The following PARD3 variants were observed in gnomAD, a reference collection of about 807,000 sequenced individuals.
PARD3 encodes the protein partitioning defective 3 homolog.
In PARD3, 75 loss-of-function variants were observed where a neutral mutation model predicts 155.4. That is an observed-to-expected ratio of 0.48 (90% CI 0.40 to 0.58). The LOEUF (loss-of-function observed/expected upper bound fraction) is 0.58. Ranked by LOEUF, PARD3 falls within the 20% of genes least tolerant of loss-of-function variation. The pLI is 0.00. For missense variants in PARD3, 1,642 were observed against 1,721.7 expected (o/e 0.95, Z 0.82); for synonymous variants, 576 against 610.5 (o/e 0.94, Z 0.83).
intron 12 of PARD3, among the ~76,000 whole-genome samples, chr10:34,372,013 A>G (rs1461982493): frequency 2.6e-5 from 4 of 152,108 alleles, no homozygotes; most frequent in Non-Finnish European, 5.9e-5. Context: ...ACTTTTGTTA[A>G]ATTATCTCTT....
In PARD3 at chr10:34,265,468, C is replaced by G. The variant is rs1468267788; in HGVS notation, c.3419+4189G>C. 2.0e-5 allele frequency among the ~76,000 whole-genome samples: 3 copies of G among 152,050 alleles called. No homozygotes were observed. In the East Asian group the frequency reaches 5.8e-4, roughly 29 times the overall value. ...GCTTCCTTACTGAACAATGAAAATC[C>G]CAGAACAGATGCAGGCTACACATCA... On this transcript the variant is annotated intron_variant, in intron 22 of 24. Transcript: ENST00000374788.
chr10:34,801,788 T>G (rs571899547), intron 1 of PARD3, among the ~76,000 whole-genome samples: 1 of 152,332 alleles, frequency 6.6e-6, no homozygotes, highest in East Asian at 1.9e-4. Flanking sequence ...AGAAGTGTTA[T>G]GGGCACATGA....
At chr10:34,311,853 C>T (rs936376689) in intron 20 of PARD3, among the ~76,000 whole-genome samples, 1 of 152,148 alleles carries the variant, frequency 6.6e-6, no homozygotes, top group African/African-American at 2.4e-5. Flanking sequence ...TGAATCTATC[C>T]GTTGCATCTC....
At chr10:34,658,371 CA>C (rs564045388) in intron 2 of PARD3, among the ~76,000 whole-genome samples, 77 of 152,006 alleles carry the variant, frequency 5.1e-4, no homozygotes, top group Middle Eastern at 3.4e-3. Flanking sequence ...AAACAAATCA[CA>C]AAACAAATCC....
intron 1 of PARD3, among the ~76,000 whole-genome samples, chr10:34,703,475 C>T (rs147431573): frequency 2.0e-5 from 3 of 147,212 alleles, no homozygotes; most frequent in African/African-American, 5.0e-5. Flanking sequence ...AAAAAAAAGA[C>T]AAAGAAGATA....
At chr10:34,689,819 T>C (rs554590047) in intron 2 of PARD3, among the ~76,000 whole-genome samples, 25 of 152,318 alleles carry the variant, frequency 1.6e-4, no homozygotes, top group African/African-American at 5.5e-4. Context: ...TTGTGTATAA[T>C]CTAACAGTTA....
chr10:34,798,038 G>C (rs1842468332), intron 1 of PARD3, among the ~76,000 whole-genome samples: 1 of 152,086 alleles, frequency 6.6e-6, no homozygotes, highest in Non-Finnish European at 1.5e-5. Context: ...AAAATATACA[G>C]ACTGGATATG....
At chr10:34,218,362 A>G (rs1435242038) in intron 22 of PARD3, among the ~76,000 whole-genome samples, 1 of 152,192 alleles carries the variant, frequency 6.6e-6, no homozygotes, top group East Asian at 1.9e-4. Context: ...TCTCATAATC[A>G]ACTTCTGTTA....
Position 34,699,599 on chromosome 10 carries a change from A to C in PARD3, c.121-3180T>G, listed in dbSNP as rs185210132. On this transcript the variant is annotated intron_variant, in intron 1 of 24. Coordinates refer to ENST00000374788, the MANE Select transcript of PARD3 (RefSeq NM_001184785.2). The stretch of plus-strand genomic sequence containing the variant: ...TCCACTTTGTAGTAGTTTGCATTAA[A>C]AAGTTTAAAATAATAACAGTAGGAA... Among the ~76,000 whole-genome samples, 490 of 152,346 alleles carry C rather than the reference A, an allele frequency of 3.2e-3. 1 individual carries two copies. Among genetic ancestry groups the C allele is most frequent in the Non-Finnish European group, 5.1e-3 (348 of 68,032 alleles).
chr10:34,718,731 G>C (rs1050284018), intron 1 of PARD3, among the ~76,000 whole-genome samples: 6 of 152,234 alleles, frequency 3.9e-5, no homozygotes, highest in Admixed American at 1.3e-4. Flanking sequence ...GGGAGGCCGA[G>C]GTAGGCGGAT....
At position 34,413,140 on chromosome 10, in the gene PARD3, T is replaced by TACAC. The variant is rs774389489; in HGVS notation, c.715-11224_715-11223insGTGT. On this transcript the variant is annotated intron_variant, in intron 5 of 24. Transcript: ENST00000374788. ...AAAACATTAGGCAGTACTTCAGATA[T>TACAC]ATATACACACACACACACACACACA... 4.8e-3 allele frequency among the ~76,000 whole-genome samples: 550 copies of TACAC among 113,840 alleles called. 9 individuals carry two copies. Among genetic ancestry groups the TACAC allele is most frequent in the African/African-American group, 0.016 (494 of 31,542 alleles). The allele number at this position is 113,840 out of a possible 152,430, so 74.7% of individuals were successfully genotyped here. A position where few individuals can be genotyped will look rare whatever the true frequency, so the allele number is the denominator to read the frequency against.
intron 2 of PARD3, among the ~76,000 whole-genome samples, chr10:34,591,721 A>C (rs78516563): frequency 0.02 from 2,986 of 152,296 alleles, 92 homozygotes; most frequent in African/African-American, 0.068. Context: ...CGCTGGTCTC[A>C]AGGAGCAAAA....
At chr10:34,642,183 C>T (rs2092699322) in intron 2 of PARD3, among the ~76,000 whole-genome samples, 1 of 152,114 alleles carries the variant, frequency 6.6e-6, no homozygotes, top group African/African-American at 2.4e-5. Context: ...CACACAGTCC[C>T]TGCCTTCCTG....
chr10:34,162,427 C>T (rs1274777036), intron 22 of PARD3, among the ~76,000 whole-genome samples: 2 of 152,154 alleles, frequency 1.3e-5, no homozygotes, highest in Admixed American at 6.5e-5. Context: ...CCTAATTTTT[C>T]GTGGTCGTGA....
chr10:34,643,970 T>G (rs1050193484), intron 2 of PARD3, among the ~76,000 whole-genome samples: 1 of 152,126 alleles, frequency 6.6e-6, no homozygotes, highest in Non-Finnish European at 1.5e-5. Flanking sequence ...AGTGGAAGAC[T>G]CCATGGAGGG....
chr10:34,598,486 C>T lies in PARD3; in HGVS notation c.223-81327G>A, dbSNP rs550377850. ...TAAATAGAATATTCAATTACTGTTA[C>T]ACTGTAACTTTTCAGAGCACTCTCT... On this transcript the variant is annotated intron_variant, in intron 2 of 24. Coordinates refer to ENST00000374788, the MANE Select transcript of PARD3 (RefSeq NM_001184785.2). Among the ~76,000 whole-genome samples the T allele has an allele frequency of 2.6e-5, 4 of 152,250 alleles. No individual in the cohort carries two copies. In the Middle Eastern group the frequency reaches 0.01, roughly 388 times the overall value.
At chr10:34,792,553 T>C (rs781568367) in intron 1 of PARD3, among the ~76,000 whole-genome samples, 3 of 152,226 alleles carry the variant, frequency 2.0e-5, no homozygotes, top group Non-Finnish European at 4.4e-5. Context: ...GAGTATTTCT[T>C]AATAACAGCA....
At chr10:34,279,800 T>C (rs1033076169) in intron 21 of PARD3, among the ~76,000 whole-genome samples, 2 of 152,198 alleles carry the variant, frequency 1.3e-5, no homozygotes, top group Admixed American at 1.3e-4. Context: ...GGTCTGGTAT[T>C]GAAAACACAA....
At chr10:34,392,961 C>T (rs918213741) in intron 7 of PARD3, among the ~76,000 whole-genome samples, 1 of 151,920 alleles carries the variant, frequency 6.6e-6, no homozygotes, top group Non-Finnish European at 1.5e-5. Flanking sequence ...GTCAATTCAG[C>T]CAGCAATATG....
Sources: allele counts gnomAD v4.1 joint callset (sites outside exome capture counted in the v4.1 genomes callset), GRCh38; gene constraint gnomAD v4.1.1; transcripts MANE v1.5; gene names NCBI Gene and HGNC (gene_info 2026-07-23, HGNC 2026-07-21).